The following DUSP5 variants were observed in gnomAD, a reference collection of about 807,000 sequenced individuals.
DUSP5 encodes the protein dual specificity protein phosphatase 5.
In DUSP5, 22 loss-of-function variants were observed where a neutral mutation model predicts 33.6. The ratio of observed to expected loss-of-function variants is 0.66; its 90% CI spans 0.47 to 0.94. The LOEUF is 0.94. Among genes scored for constraint, DUSP5 ranks in the 40% least tolerant of loss-of-function variants. DUSP5 has a pLI of 0.00. For missense variants in DUSP5, 551 were observed against 522.1 expected (o/e 1.06, Z -0.54); for synonymous variants, 270 against 231.1 (o/e 1.17, Z -1.53).
At chr10:110,508,765 C>T (rs993352149) in intron 3 of DUSP5, among the ~76,000 whole-genome samples, 2 of 152,204 alleles carry the variant, frequency 1.3e-5, no homozygotes, top group Admixed American at 1.3e-4. Flanking sequence ...GGGGTCTCCC[C>T]TTTGAACTAA....
chr10:110,501,416 T>C (rs571888658), intron 1 of DUSP5, among the ~76,000 whole-genome samples: 18 of 152,206 alleles, frequency 1.2e-4, no homozygotes, highest in Admixed American at 1.2e-3. Context: ...GGCGGGGCAG[T>C]TCCAGTGAGC....
rs1860180637 is a variant in DUSP5 at position 110,510,647 on chromosome 10, G to T, written c.*221G>T. On this transcript the variant is annotated 3_prime_UTR_variant, in exon 4 of 4. Transcript: ENST00000369583. ...CCAAGCCATTACGGGAGCACAGCATGTGCTGACTACTGTACTTCCAGACCC... is the reference window on the plus strand; with the variant it reads ...CCAAGCCATTACGGGAGCACAGCATTTGCTGACTACTGTACTTCCAGACCC... 4 of 591,340 alleles carry T rather than the reference G, an allele frequency of 6.8e-6. No individual in the cohort carries two copies. Among genetic ancestry groups the T allele is most frequent in the Admixed American group, 6.8e-5 (2 of 29,604 alleles). 36.6% of individuals were successfully genotyped at this position (591,340 alleles called of 1,614,324 possible).
At chr10:110,499,064 G>C (rs1321900739) in intron 1 of DUSP5, among the ~76,000 whole-genome samples, 1 of 152,026 alleles carries the variant, frequency 6.6e-6, no homozygotes, top group East Asian at 1.9e-4. Flanking sequence ...TCCCCTCCTA[G>C]GTCTTTTCTC....
chr10:110,498,877 A>C (rs929340937), intron 1 of DUSP5, among the ~76,000 whole-genome samples: 3 of 151,544 alleles, frequency 2.0e-5, no homozygotes, highest in African/African-American at 7.3e-5. Context: ...TGATAGACTG[A>C]TCTGGCGGGA....
chr10:110,507,289 C>A, intron 3 of DUSP5, 135 bp downstream of exon 3: 1 of 882,828 alleles, frequency 1.1e-6, no homozygotes, highest in Non-Finnish European at 1.7e-6. Flanking sequence ...AGAGTTGGAG[C>A]CAACATGGGA....
chr10:110,498,745 G>C (rs373553676), intron 1 of DUSP5, among the ~76,000 whole-genome samples: 44 of 152,164 alleles, frequency 2.9e-4, no homozygotes, highest in Non-Finnish European at 5.0e-4. Context: ...GGTGGAGTTG[G>C]TTATGCTGCG....
At position 110,510,410 on chromosome 10, in the gene DUSP5, C is replaced by T. The variant is rs371109451; in HGVS notation, c.1139C>T (p.Thr380Met). The T allele has an allele frequency of 3.3e-5, 53 of 1,591,360 alleles. No homozygotes were observed. Among genetic ancestry groups the T allele is most frequent in the African/African-American group, 1.5e-4 (11 of 74,468 alleles). ...GAGCTCAGCAGAAGCCCTGTGGCAACGGCCACATCCTGCTAAAACTGGGAT... is the reference window on the plus strand; with the variant it reads ...GAGCTCAGCAGAAGCCCTGTGGCAATGGCCACATCCTGCTAAAACTGGGAT... ...VSELSRSPVA[T>M]ATSC Residue 380 changes from threonine to methionine, a missense_variant, in exon 4 of 4, where the codon ACG (threonine) becomes ATG (methionine). Physicochemically the swap from Thr to Met is moderately conservative, Grantham distance 81. Around this residue, in one of 3 missense-constraint regions of DUSP5, gnomAD observed 158 missense variants for 181.8 expected, o/e 0.87. Coordinates refer to ENST00000369583, the MANE Select transcript of DUSP5 (RefSeq NM_004419.4).
At chr10:110,501,969 G>T (rs1414192298) in intron 1 of DUSP5, among the ~76,000 whole-genome samples, 2 of 151,706 alleles carry the variant, frequency 1.3e-5, no homozygotes, top group Non-Finnish European at 2.9e-5. Flanking sequence ...ATTGATTGGG[G>T]GGGGGGTGCA....
intron 1 of DUSP5, among the ~76,000 whole-genome samples, chr10:110,499,507 G>T (rs571146427): frequency 6.8e-6 from 1 of 148,074 alleles, no homozygotes; most frequent in Admixed American, 6.8e-5. Flanking sequence ...ACCTTGGGAT[G>T]TAACAGTGTT....
chr10:110,501,828 C>T (rs761695555), intron 1 of DUSP5, among the ~76,000 whole-genome samples: 5 of 152,114 alleles, frequency 3.3e-5, no homozygotes, highest in Non-Finnish European at 7.3e-5. Flanking sequence ...TGAAATGGGC[C>T]CAAGAAGGCT....
At position 110,511,180 on chromosome 10, in the gene DUSP5, A is replaced by G. The variant is rs1274812043; in HGVS notation, c.*754A>G. ...CTTCAGATCATAGACCAAAAAAGTCATACCTTCGAGGTGGTAGCAGTAGAT... is the reference window on the plus strand; with the variant it reads ...CTTCAGATCATAGACCAAAAAAGTCGTACCTTCGAGGTGGTAGCAGTAGAT... On this transcript the variant is annotated 3_prime_UTR_variant, in exon 4 of 4. Transcript: ENST00000369583. The G allele has an allele frequency of 1.3e-5, 2 of 152,774 alleles. No homozygotes were observed. The highest frequency in any genetic ancestry group is 3.9e-4 in the East Asian group (2 of 5,190). 9.5% of individuals were successfully genotyped at this position (152,774 alleles called of 1,614,324 possible).
At chr10:110,507,249 A>G in intron 3 of DUSP5, 95 bp downstream of exon 3, 1 of 1,297,062 alleles carries the variant, frequency 7.7e-7, no homozygotes, top group Non-Finnish European at 1.1e-6. Context: ...CCTTCACTGA[A>G]AGAAAAGTGT....
rs762408672 is a variant in DUSP5, at chr10:110,498,295, C to G, written c.174C>G (p.Gly58=). 6.9e-7 allele frequency: 1 copy of G among 1,442,362 alleles called. No individual in the cohort carries two copies. The highest frequency in any genetic ancestry group is 2.9e-5 in the East Asian group (1 of 34,428). The allele number at this position is 1,442,362 out of a possible 1,614,324, so 89.3% of individuals were successfully genotyped here. Residue 58 remains glycine (G), a synonymous_variant, in exon 1 of 4, where the codon GGC becomes GGG. Coordinates refer to ENST00000369583, the MANE Select transcript of DUSP5 (RefSeq NM_004419.4). ...NSVVLRRARG[G]AVSARYVLPD... ...TGGTGCTGCGGCGGGCCCGGGGCGG[C>G]GCGGTGTCGGCGCGCTACGTGCTGC...
rs778549835 is a variant in DUSP5 at position 110,498,509 on chromosome 10, T to G, written c.379+9T>G. 1 of 1,495,166 alleles carries G rather than the reference T, an allele frequency of 6.7e-7. No homozygotes were observed. Among genetic ancestry groups the G allele is most frequent in the East Asian group, 2.7e-5 (1 of 37,016 alleles). The allele number at this position is 1,495,166 out of a possible 1,614,324, so 92.6% of individuals were successfully genotyped here. A position where few individuals can be genotyped will look rare whatever the true frequency, so the allele number is the denominator to read the frequency against. On this transcript the variant is annotated intron_variant, in intron 1 of 3. Coordinates refer to ENST00000369583, the MANE Select transcript of DUSP5 (RefSeq NM_004419.4). ...GGTCTACTTCCTCAAAGGTGAGCGC[T>G]CGGGGTCCCTGCCACGCTCGCCCCT... is the stretch of plus-strand genomic sequence containing the variant.
chr10:110,510,348 G>C lies in DUSP5; in HGVS notation c.1077G>C (p.Ser359=). Residue 359 remains serine, a synonymous_variant, in exon 4 of 4, where the codon TCG becomes TCC. Coordinates refer to ENST00000369583, the MANE Select transcript of DUSP5 (RefSeq NM_004419.4). ...GTGCCTACTGCACATTCCCTGCCTCGGTGCTGGCACCGGTGCCTACCCACT... is the reference window on the plus strand; with the variant it reads ...GTGCCTACTGCACATTCCCTGCCTCCGTGCTGGCACCGGTGCCTACCCACT... ...MQGAYCTFPA[S]VLAPVPTHST... The C allele has an allele frequency of 6.2e-7, 1 of 1,613,754 alleles. No individual in the cohort carries two copies. The highest frequency in any genetic ancestry group is 8.5e-7 in the Non-Finnish European group (1 of 1,179,894).
At chr10:110,504,862 T>C (rs1860099104) in intron 2 of DUSP5, among the ~76,000 whole-genome samples, 1 of 152,162 alleles carries the variant, frequency 6.6e-6, no homozygotes, top group Non-Finnish European at 1.5e-5. Flanking sequence ...TTACCAATTA[T>C]CCAGAGAGGA....
At chr10:110,507,251 G>T (rs553354856) in intron 3 of DUSP5, 97 bp downstream of exon 3, 97 of 1,292,290 alleles carry the variant, frequency 7.5e-5, no homozygotes, top group Admixed American at 2.1e-4. Flanking sequence ...TTCACTGAAA[G>T]AAAAGTGTCT....
At chr10:110,504,479 A>G (rs867916797) in intron 2 of DUSP5, among the ~76,000 whole-genome samples, 4 of 152,210 alleles carry the variant, frequency 2.6e-5, no homozygotes. Flanking sequence ...GTGTATCAGC[A>G]ATTTCCAGGC....
Position 110,510,574 on chromosome 10 carries a change from A to G in DUSP5, c.*148A>G, listed in dbSNP as rs1590520798. ...TAGTGAGTGGTCACCAGGCTTGCAA[A>G]TGAACTTCAGACGGACCTCAGGGTA... is the stretch of plus-strand genomic sequence containing the variant. On this transcript the variant is annotated 3_prime_UTR_variant, in exon 4 of 4. Transcript: ENST00000369583. 4 of 1,168,008 alleles carry G rather than the reference A, an allele frequency of 3.4e-6. No individual in the cohort carries two copies. In the East Asian group the frequency reaches 1.0e-4, roughly 30 times the overall value. 72.4% of individuals were successfully genotyped at this position (1,168,008 alleles called of 1,614,324 possible).
Sources: allele counts gnomAD v4.1 joint callset (sites outside exome capture counted in the v4.1 genomes callset), GRCh38; gene constraint gnomAD v4.1.1; regional missense constraint gnomAD v4.1.1; transcripts MANE v1.5; gene names NCBI Gene and HGNC (gene_info 2026-07-23, HGNC 2026-07-21).